Variants in ZBED6 observed in about 807,000 individuals in gnomAD.
ZBED6 encodes zinc finger BED-type containing 6, also known as zinc finger BED domain-containing protein 6.
ZBED6 carries 40 observed loss-of-function variants against 58.4 expected under a neutral mutation model. The ratio of observed to expected loss-of-function variants is 0.68; its 90% CI spans 0.53 to 0.89. The LOEUF is 0.89. Among genes scored for constraint, ZBED6 ranks in the 40% least tolerant of loss-of-function variants. ZBED6 has a pLI of 0.00. For synonymous variants in ZBED6, 439 were observed against 350.6 expected, an observed-to-expected ratio of 1.25 and a Z score of -2.82; for missense variants, 1,057 against 1,003.9, an observed-to-expected ratio of 1.05 and a Z score of -0.71.
At chr1:203,823,990 C>T (rs973493963) in intron 3 of ZBED6, among the ~76,000 whole-genome samples, 2 of 152,036 alleles carry the variant, frequency 1.3e-5, no homozygotes, top group East Asian at 1.9e-4. Context: ...AGAGGGAAGC[C>T]GGGCGCCGTG....
intron 1 of ZBED6, among the ~76,000 whole-genome samples, chr1:203,810,169 G>A (rs148992647): frequency 3.0e-4 from 45 of 150,684 alleles, no homozygotes; most frequent in African/African-American, 1.1e-3. Context: ...TAAGAGATGA[G>A]GTCTGTCTGT....
chr1:203,809,913 A>T (rs935271390), intron 1 of ZBED6, among the ~76,000 whole-genome samples: 1 of 152,132 alleles, frequency 6.6e-6, no homozygotes, highest in Admixed American at 6.6e-5. Flanking sequence ...AAGATCACGC[A>T]ACTGCACTCC....
chr1:203,831,564 T>G, intron 7 of ZBED6, 97 bp from the exon 8 acceptor site: 2 of 899,214 alleles, frequency 2.2e-6, no homozygotes, highest in Non-Finnish European at 3.5e-6. Context: ...AATATCAGTC[T>G]GTATTGGACT....
chr1:203,806,155 A>G (rs769516404), intron 1 of ZBED6: 7 of 500,162 alleles, frequency 1.4e-5, no homozygotes, highest in East Asian at 5.4e-5. Flanking sequence ...CTCAGCATCC[A>G]ATCTAGAAAT....
At chr1:203,838,229 T>G (rs2103175912) in intron 10 of ZBED6, among the ~76,000 whole-genome samples, 165 bp downstream of exon 10, 1 of 152,378 alleles carries the variant, frequency 6.6e-6, no homozygotes, top group Non-Finnish European at 1.5e-5. Context: ...TGCTAGATTC[T>G]GGGTAGACAC....
intron 1 of ZBED6, among the ~76,000 whole-genome samples, chr1:203,809,841 C>G (rs1315783878): frequency 6.6e-6 from 1 of 152,100 alleles, no homozygotes. Context: ...GTAATTCCAG[C>G]TACTCGGGAG....
At chr1:203,829,634 A>G (rs769281095) in exon 5 of ZBED6, 1 of 1,614,230 alleles carries the variant, frequency 6.2e-7, no homozygotes, top group Non-Finnish European at 8.5e-7. Flanking sequence ...AATGCTGCAG[A>G]TGATGATGAA....
At position 203,849,324 on chromosome 1, in the gene ZBED6, A is replaced by C. The variant is rs202245739; in HGVS notation, c.*4323-387A>C. Among the ~76,000 whole-genome samples the C allele has an allele frequency of 2.0e-5, 3 of 152,348 alleles. No homozygotes were observed. In the East Asian group the frequency reaches 5.8e-4, roughly 29 times the overall value. ...TTACCATGTTAATAATTCTTCAAGAAGTTTGTTTTTACTGACCACATGATT... is the reference window on the plus strand; with the variant it reads ...TTACCATGTTAATAATTCTTCAAGACGTTTGTTTTTACTGACCACATGATT... On this transcript the variant is annotated intron_variant, in intron 13 of 16. Transcript: ENST00000550078.
At chr1:203,804,674 C>CTT (rs35042121) in intron 1 of ZBED6, among the ~76,000 whole-genome samples, 7 of 137,660 alleles carry the variant, frequency 5.1e-5, no homozygotes, top group African/African-American at 8.0e-5. Flanking sequence ...TTTGCCTCAT[C>CTT]TTTTTTTTTT....
At chr1:203,819,788 C>T (rs1289104043) in intron 3 of ZBED6, among the ~76,000 whole-genome samples, 1 of 150,706 alleles carries the variant, frequency 6.6e-6, no homozygotes, top group Non-Finnish European at 1.5e-5. Flanking sequence ...CTTGCCTCGG[C>T]CTCCCAAAGT....
chr1:203,818,081 C>T (rs912129022), intron 2 of ZBED6, among the ~76,000 whole-genome samples: 1 of 152,088 alleles, frequency 6.6e-6, no homozygotes, highest in Non-Finnish European at 1.5e-5. Flanking sequence ...TTGAGCAAAG[C>T]TGTGATAATT....
chr1:203,802,714 C>CTTTTTTTTTTTTTTTTTTTTTTT (rs150416242), exon 1 of ZBED6: 5 of 131,654 alleles, frequency 3.8e-5, no homozygotes, highest in Non-Finnish European at 6.6e-5. Flanking sequence ...TAAATGAACT[C>CTTTTTTTTTTTTTTTTTTTTTTT]TTTTTTTTTG....
At chr1:203,834,007 A>C in intron 9 of ZBED6, 154 bp downstream of exon 9, 1 of 1,310,860 alleles carries the variant, frequency 7.6e-7, no homozygotes, top group Admixed American at 3.8e-5. Context: ...TGAGTGCATT[A>C]TACCTTTTAT....
At chr1:203,850,778 T>C in intron 15 of ZBED6, 97 bp downstream of exon 15, 1 of 1,466,950 alleles carries the variant, frequency 6.8e-7, no homozygotes, top group South Asian at 1.3e-5. Context: ...GTATATCACT[T>C]CCTGGCATTT....
chr1:203,804,251 A>G (rs1671465318), intron 1 of ZBED6, among the ~76,000 whole-genome samples: 1 of 149,838 alleles, frequency 6.7e-6, no homozygotes, highest in African/African-American at 2.5e-5. Flanking sequence ...TCCCGGGTTC[A>G]CGCCATTCTC....
intron 2 of ZBED6, among the ~76,000 whole-genome samples, 166 bp downstream of exon 2, chr1:203,817,290 G>GT (rs1474044183): frequency 6.6e-6 from 1 of 151,916 alleles, no homozygotes; most frequent in Non-Finnish European, 1.5e-5. Flanking sequence ...GTAATTCAGT[G>GT]TTTTTTTCTT....
intron 7 of ZBED6, among the ~76,000 whole-genome samples, chr1:203,831,437 A>G (rs1381413671): frequency 2.0e-5 from 3 of 152,106 alleles, no homozygotes; most frequent in East Asian, 1.9e-4. Context: ...TTGGGTGCCT[A>G]AGTCACTCAA....
At chr1:203,836,480 T>C (rs1213722319) in intron 9 of ZBED6, among the ~76,000 whole-genome samples, 2 of 152,190 alleles carry the variant, frequency 1.3e-5, no homozygotes, top group Non-Finnish European at 2.9e-5. Context: ...CTGGGCGCGG[T>C]AGCTTACGCC....
rs147188154 is a variant in ZBED6, at chr1:203,796,098, C to T, written c.-1425C>T. 5.6e-5 allele frequency: 11 copies of T among 194,720 alleles called. No homozygotes were observed. In the East Asian group the frequency reaches 1.2e-3, roughly 21 times the overall value. The allele number at this position is 194,720 out of a possible 1,614,324, so 12.1% of individuals were successfully genotyped here. On this transcript the variant is annotated 5_prime_UTR_variant, in exon 1 of 17. Coordinates refer to ENST00000550078, the Ensembl canonical transcript of ZBED6. ...CAGCCAACCTTCCTCCCCTCCCCCA[C>T]ATCCGGTGTTCGCTAATCTCGAGGA...
Sources: gnomAD v4.1 joint callset for allele counts (sites outside exome capture counted in the v4.1 genomes callset) on GRCh38, gnomAD v4.1.1 for gene constraint, MANE v1.5 for transcripts, NCBI Gene and HGNC (gene_info 2026-07-23, HGNC 2026-07-21) for gene names.